VAV3: variants seen among roughly 807,000 people sequenced by gnomAD.
VAV3 encodes the protein vav guanine nucleotide exchange factor 3, also known as guanine nucleotide exchange factor VAV3.
A neutral mutation model predicts 131.2 loss-of-function variants in VAV3; 94 were observed. The observed-to-expected ratio is 0.72, with a 90% CI of 0.61 to 0.85. The LOEUF (loss-of-function observed/expected upper bound fraction) is 0.85, where lower values mean the gene tolerates loss of function less well. Ranked by LOEUF, VAV3 falls within the 40% of genes least tolerant of loss-of-function variation. The pLI is 0.00. For missense variants in VAV3, 939 were observed against 1,002.7 expected, an observed-to-expected ratio of 0.94 and a Z score of 0.86; for synonymous variants, 349 against 342.0, an observed-to-expected ratio of 1.02 and a Z score of -0.22.
At chr1:107,784,435 T>C (rs1288672820) in intron 2 of VAV3, among the ~76,000 whole-genome samples, 1 of 152,224 alleles carries the variant, frequency 6.6e-6, no homozygotes, top group Admixed American at 6.5e-5. Flanking sequence ...TCTGCAATTA[T>C]TTTTCTCGCC....
At chr1:107,669,133 C>T in intron 19 of VAV3, 3 of 1,084,146 alleles carry the variant, frequency 2.8e-6, no homozygotes, top group Non-Finnish European at 3.4e-6. Flanking sequence ...CAGAAAAATT[C>T]TTGGCTGCAC....
chr1:107,899,602 T>C (rs1188247161), intron 1 of VAV3, among the ~76,000 whole-genome samples: 2 of 152,072 alleles, frequency 1.3e-5, no homozygotes, highest in South Asian at 4.1e-4. Flanking sequence ...AGAGAATGAA[T>C]TCATTGGAAT....
chr1:107,634,453 C>T (rs982170927), intron 20 of VAV3, among the ~76,000 whole-genome samples: 1 of 152,056 alleles, frequency 6.6e-6, no homozygotes, highest in African/African-American at 2.4e-5. Context: ...CTTCCTTACA[C>T]CTTACACAAA....
chr1:107,920,197 G>C (rs904972077), intron 1 of VAV3, among the ~76,000 whole-genome samples: 1 of 152,178 alleles, frequency 6.6e-6, no homozygotes, highest in Non-Finnish European at 1.5e-5. Flanking sequence ...TGCTGAACTA[G>C]ACTAACGTAT....
chr1:107,640,146 C>T (rs983077969), intron 20 of VAV3, among the ~76,000 whole-genome samples: 1 of 152,038 alleles, frequency 6.6e-6, no homozygotes, highest in Non-Finnish European at 1.5e-5. Flanking sequence ...AGCATTATGT[C>T]CATACAAAGA....
intron 1 of VAV3, among the ~76,000 whole-genome samples, chr1:107,933,559 C>T (rs1459715): frequency 0.065 from 9,844 of 151,960 alleles, 863 homozygotes; most frequent in African/African-American, 0.2. Flanking sequence ...AATTGAATCT[C>T]CCCAGCACTT....
chr1:107,896,500 TA>T (rs1282784237), intron 1 of VAV3, among the ~76,000 whole-genome samples: 6 of 152,212 alleles, frequency 3.9e-5, no homozygotes, highest in Non-Finnish European at 8.8e-5. Flanking sequence ...ACAAAAAACT[TA>T]TATAAAGACT....
At chr1:107,796,293 T>C (rs960040982) in intron 2 of VAV3, among the ~76,000 whole-genome samples, 1 of 152,146 alleles carries the variant, frequency 6.6e-6, no homozygotes, top group African/African-American at 2.4e-5. Context: ...CATGGGTTAT[T>C]TGGATCTCTA....
At chr1:107,700,966 T>C (rs1055497374) in intron 17 of VAV3, among the ~76,000 whole-genome samples, 3 of 152,200 alleles carry the variant, frequency 2.0e-5, no homozygotes, top group African/African-American at 7.2e-5. Context: ...GCATCTATTG[T>C]TTCTTGACTT....
chr1:107,776,927 T>A (rs151123864), intron 4 of VAV3, among the ~76,000 whole-genome samples: 119 of 152,350 alleles, frequency 7.8e-4, no homozygotes, highest in African/African-American at 2.7e-3. Flanking sequence ...AGCAGCAGAT[T>A]CTATTTCTTT....
At chr1:107,820,522 T>C (rs139538937) in intron 2 of VAV3, among the ~76,000 whole-genome samples, 1 of 152,016 alleles carries the variant, frequency 6.6e-6, no homozygotes, top group African/African-American at 2.4e-5. Flanking sequence ...TAGAGTTAGA[T>C]AGAATGAATA....
chr1:107,878,692 T>C (rs1670625554), intron 1 of VAV3, among the ~76,000 whole-genome samples: 1 of 152,166 alleles, frequency 6.6e-6, no homozygotes, highest in Non-Finnish European at 1.5e-5. Context: ...GGGTGTCCCA[T>C]CATTACTGAG....
chr1:107,731,201 C>T (rs1034298547), intron 15 of VAV3, among the ~76,000 whole-genome samples: 3 of 152,154 alleles, frequency 2.0e-5, no homozygotes, highest in Non-Finnish European at 4.4e-5. Context: ...ACAATTCAAT[C>T]AGAAGTCTCC....
chr1:107,942,641 C>T (rs1230106374), intron 1 of VAV3, among the ~76,000 whole-genome samples: 2 of 152,120 alleles, frequency 1.3e-5, no homozygotes, highest in African/African-American at 2.4e-5. Context: ...CAGTCTACTA[C>T]TGCTTCTTTT....
intron 25 of VAV3, among the ~76,000 whole-genome samples, chr1:107,589,904 G>A (rs961251667): frequency 6.6e-6 from 1 of 152,152 alleles, no homozygotes; most frequent in African/African-American, 2.4e-5. Context: ...GGATGTTTAA[G>A]GAATTATCAG....
At chr1:107,763,039 T>C (rs1421797383) in intron 9 of VAV3, among the ~76,000 whole-genome samples, 1 of 151,946 alleles carries the variant, frequency 6.6e-6, no homozygotes, top group Non-Finnish European at 1.5e-5. Flanking sequence ...AGAACAAAAA[T>C]AACCACAAAA....
intron 1 of VAV3, among the ~76,000 whole-genome samples, chr1:107,908,756 G>A (rs1672220207): frequency 6.6e-6 from 1 of 151,018 alleles, no homozygotes; most frequent in South Asian, 2.1e-4. Flanking sequence ...TAGAAAAGGA[G>A]TAAGAAAAAG....
At chr1:107,624,178 A>G (rs1203311038) in intron 20 of VAV3, among the ~76,000 whole-genome samples, 1 of 152,186 alleles carries the variant, frequency 6.6e-6, no homozygotes, top group African/African-American at 2.4e-5. Flanking sequence ...CATAAGCTGT[A>G]GATTTGAGAT....
chr1:107,835,136 G>T (rs949136053), intron 2 of VAV3, among the ~76,000 whole-genome samples: 2 of 152,112 alleles, frequency 1.3e-5, no homozygotes, highest in Admixed American at 1.3e-4. Context: ...TGCAGGACTG[G>T]GGCACATCTG....
Sources: gnomAD v4.1 joint callset for allele counts (sites outside exome capture counted in the v4.1 genomes callset) on GRCh38, gnomAD v4.1.1 for gene constraint, MANE v1.5 for transcripts, NCBI Gene and HGNC (gene_info 2026-07-23, HGNC 2026-07-21) for gene names.